The following TGFA variants were observed in gnomAD, a reference collection of about 807,000 sequenced individuals.
TGFA encodes protransforming growth factor alpha.
Under a neutral mutation model 21.7 loss-of-function variants are expected in TGFA, and 12 were observed. The ratio of observed to expected loss-of-function variants is 0.55; its 90% confidence interval spans 0.35 to 0.90. The LOEUF (loss-of-function observed/expected upper bound fraction) is 0.90, where lower values mean the gene tolerates loss of function less well. Among genes scored for constraint, TGFA ranks in the 40% least tolerant of loss-of-function variants. TGFA has a pLI of 0.01. For missense variants in TGFA, 178 were observed against 210.8 expected, an observed-to-expected ratio of 0.84 and a Z score of 0.96; for synonymous variants, 79 against 88.1, an observed-to-expected ratio of 0.90 and a Z score of 0.58.
intron 1 of TGFA, among the ~76,000 whole-genome samples, chr2:70,551,435 C>G (rs1414763159): frequency 1.3e-5 from 2 of 152,138 alleles, no homozygotes; most frequent in Admixed American, 1.3e-4. Flanking sequence ...AAACATTAAC[C>G]GAGACTCCTA....
intron 1 of TGFA, among the ~76,000 whole-genome samples, chr2:70,547,090 C>T (rs1673328124): frequency 6.6e-6 from 1 of 151,904 alleles, no homozygotes; most frequent in Admixed American, 6.6e-5. Context: ...GAAGTTATGC[C>T]CACTTAAAAT....
At chr2:70,553,602 T>A in intron 1 of TGFA, 126 bp downstream of exon 1, 2 of 1,317,058 alleles carry the variant, frequency 1.5e-6, no homozygotes, top group Non-Finnish European at 1.9e-6. Flanking sequence ...GCCAACCCAT[T>A]GAGACTACTC....
At chr2:70,469,398 G>T (rs577073640) in intron 2 of TGFA, among the ~76,000 whole-genome samples, 1 of 151,992 alleles carries the variant, frequency 6.6e-6, no homozygotes, top group South Asian at 2.1e-4. Context: ...GCAGTGGCAC[G>T]TTCATGGCTC....
intron 2 of TGFA, among the ~76,000 whole-genome samples, chr2:70,507,747 T>A (rs1671971495): frequency 6.6e-6 from 1 of 152,244 alleles, no homozygotes. Flanking sequence ...CATCCATTAG[T>A]TTTGTCATTT....
chr2:70,504,475 T>TAC (rs1157231918), intron 2 of TGFA, among the ~76,000 whole-genome samples: 87 of 83,792 alleles, frequency 1.0e-3, no homozygotes, highest in African/African-American at 4.2e-3. Flanking sequence ...CACACATACA[T>TAC]ACATACATAC....
rs782058394 is a variant in TGFA, at chr2:70,453,261, G to A, written c.432C>T (p.Ser144=). 2.7e-5 allele frequency: 44 copies of A among 1,613,900 alleles called. No homozygotes were observed. The highest frequency in any genetic ancestry group is 3.5e-5 in the Non-Finnish European group (41 of 1,179,906). ...AAGCGGTTCTTCCCTTCAGGAGGGC[G>A]CTGGGCTTCTCGTGCCGGCAGATGA... is the stretch of plus-strand genomic sequence containing the variant. ...RALICRHEKP[S]ALLKGRTACC... The change falls in exon 5 of 6, where the codon AGC becomes AGT. Residue 144 remains serine (S), a synonymous_variant. Transcript: ENST00000295400.
chr2:70,472,913 A>G (rs1670800886), intron 2 of TGFA, among the ~76,000 whole-genome samples: 3 of 152,268 alleles, frequency 2.0e-5, no homozygotes, highest in Admixed American at 2.0e-4. Flanking sequence ...TTTCAGCCAA[A>G]GTTTCTGACC....
At chr2:70,543,872 A>G (rs1488315999) in intron 1 of TGFA, among the ~76,000 whole-genome samples, 2 of 152,222 alleles carry the variant, frequency 1.3e-5, no homozygotes, top group East Asian at 1.9e-4. Context: ...AAATCTAAAA[A>G]AGAAAACAAA....
intron 2 of TGFA, among the ~76,000 whole-genome samples, chr2:70,476,339 C>T (rs981585310): frequency 2.0e-5 from 3 of 152,152 alleles, no homozygotes; most frequent in Non-Finnish European, 4.4e-5. Flanking sequence ...TTATGTTTGG[C>T]TTTCATCAGC....
chr2:70,517,012 A>G (rs1672301029), intron 1 of TGFA, among the ~76,000 whole-genome samples: 1 of 152,242 alleles, frequency 6.6e-6, no homozygotes, highest in Non-Finnish European at 1.5e-5. Context: ...AACACTGTAC[A>G]GCTGAATCCA....
At chr2:70,522,590 C>A (rs1672504878) in intron 1 of TGFA, among the ~76,000 whole-genome samples, 3 of 152,092 alleles carry the variant, frequency 2.0e-5, no homozygotes, top group Non-Finnish European at 4.4e-5. Context: ...TGTGTCATCA[C>A]ACCCGGCTAA....
chr2:70,469,629 G>A (rs1201419773), intron 2 of TGFA, among the ~76,000 whole-genome samples: 3 of 152,148 alleles, frequency 2.0e-5, no homozygotes, highest in African/African-American at 4.8e-5. Context: ...GAGCCGCCAC[G>A]TCTGGCCCCC....
intron 1 of TGFA, among the ~76,000 whole-genome samples, chr2:70,528,291 A>G (rs182474446): frequency 7.2e-5 from 11 of 152,356 alleles, no homozygotes; most frequent in Admixed American, 1.3e-4. Context: ...ACATGTTAAT[A>G]ACAGGGTCAT....
chr2:70,489,843 C>T (rs1671377003), intron 2 of TGFA, among the ~76,000 whole-genome samples: 1 of 152,186 alleles, frequency 6.6e-6, no homozygotes, highest in Admixed American at 6.5e-5. Flanking sequence ...ACCCCTGAGC[C>T]ACTGAATCTG....
chr2:70,461,004 A>G (rs543198080), intron 3 of TGFA, among the ~76,000 whole-genome samples: 5 of 152,328 alleles, frequency 3.3e-5, no homozygotes, highest in African/African-American at 1.2e-4. Context: ...CCACTACTTA[A>G]GAGTCCAGTG....
chr2:70,495,183 C>T (rs1246304545), intron 2 of TGFA, among the ~76,000 whole-genome samples: 5 of 152,132 alleles, frequency 3.3e-5, no homozygotes, highest in African/African-American at 7.2e-5. Flanking sequence ...TGACATGGTC[C>T]GCTCCTTCCC....
At chr2:70,451,091 G>A (rs1218387201) in intron 5 of TGFA, among the ~76,000 whole-genome samples, 5 of 149,026 alleles carry the variant, frequency 3.4e-5, no homozygotes, top group African/African-American at 1.3e-4. Flanking sequence ...GAAAGTGAGT[G>A]AGTGAGTGAG....
At chr2:70,457,545 C>CT (rs562850221) in intron 3 of TGFA, among the ~76,000 whole-genome samples, 38,301 of 143,658 alleles carry the variant, frequency 0.27, 5,151 homozygotes, top group East Asian at 0.36. Context: ...GGCGGGACTT[C>CT]TTTTTTTTTT....
At chr2:70,476,109 T>TAAAAAAAAAAAAAAAAAA (rs1670926055) in intron 2 of TGFA, among the ~76,000 whole-genome samples, 1 of 78,502 alleles carries the variant, frequency 1.3e-5, no homozygotes, top group Admixed American at 1.3e-4. Flanking sequence ...AAAAAAAAAT[T>TAAAAAAAAAAAAAAAAAA]AAGAAAATTA....
Sources: allele counts gnomAD v4.1 joint callset (sites outside exome capture counted in the v4.1 genomes callset), GRCh38; gene constraint gnomAD v4.1.1; transcripts MANE v1.5; gene names NCBI Gene and HGNC (gene_info 2026-07-23, HGNC 2026-07-21).